MAP3K10: variants seen among roughly 807,000 people sequenced by gnomAD.
MAP3K10 encodes MKN28 derived nonreceptor_type serine/threonine kinase.
Under a neutral mutation model 75.0 loss-of-function variants are expected in MAP3K10, and 22 were observed. That is an observed-to-expected ratio of 0.29 (90% CI 0.21 to 0.42). The LOEUF is 0.42. MAP3K10 is among the 10% of genes least tolerant of loss of function. The probability of loss-of-function intolerance (pLI) is 1.00; values close to 1 mark genes in which losing one functional copy is unlikely to be tolerated. For missense variants in MAP3K10, 1,165 were observed against 1,379.8 expected (o/e 0.84, Z 2.47); for synonymous variants, 599 against 612.9 (o/e 0.98, Z 0.34).
In MAP3K10 at chr19:40,213,692, C is replaced by T. The variant is rs1052743270; in HGVS notation, c.2013C>T (p.Cys671=). Residue 671 remains cysteine, a synonymous_variant, in exon 9 of 10, where the codon TGC becomes TGT. Coordinates refer to ENST00000253055, the MANE Select transcript of MAP3K10 (RefSeq NM_002446.4). The surrounding 1 kb of genome is among the most constrained non-coding windows in gnomAD (Gnocchi z 5.7). ...GGGGACACGGCGCCCGGCGGCGCTG[C>T]GACCTGGCGCTGCTAGGCTGCGCCA... The part of the protein sequence containing the change: ...ARWGHGARRR[C]DLALLGCATL... 8.3e-6 allele frequency: 9 copies of T among 1,088,128 alleles called. No individual in the cohort carries two copies. Among genetic ancestry groups the T allele is most frequent in the South Asian group, 3.9e-5 (1 of 25,850 alleles). The allele number at this position is 1,088,128 out of a possible 1,614,324, so 67.4% of individuals were successfully genotyped here.
chr19:40,200,910 G>A (rs1973006287), intron 2 of MAP3K10, among the ~76,000 whole-genome samples: 1 of 151,478 alleles, frequency 6.6e-6, no homozygotes. Flanking sequence ...GCACCCGGCC[G>A]GGCAGGCTAA....
In MAP3K10 at chr19:40,213,013, A is replaced by G. The variant is rs1973269102; in HGVS notation, c.1724+37A>G. 4 of 1,592,330 alleles carry G rather than the reference A, an allele frequency of 2.5e-6. No homozygotes were observed. Among genetic ancestry groups the G allele is most frequent in the Non-Finnish European group, 2.6e-6 (3 of 1,167,864 alleles). ...TGTGGTCATGCCCACCCTGTGCCCAAGCCCCAGCTCCCAGGCTCCAGGCCA... is the reference window on the plus strand; with the variant it reads ...TGTGGTCATGCCCACCCTGTGCCCAGGCCCCAGCTCCCAGGCTCCAGGCCA... On this transcript the variant is annotated intron_variant, in intron 7 of 9. Coordinates refer to ENST00000253055, the MANE Select transcript of MAP3K10 (RefSeq NM_002446.4). This position sits in a 1 kb window ranked among gnomAD's most constrained non-coding sequence, Gnocchi z 5.7.
At position 40,213,409 on chromosome 19, in the gene MAP3K10, G is replaced by A; in HGVS notation, c.1838-108G>A. On this transcript the variant is annotated intron_variant, in intron 8 of 9. Transcript: ENST00000253055. The surrounding 1 kb of genome is among the most constrained non-coding windows in gnomAD (Gnocchi z 5.7). The stretch of plus-strand genomic sequence containing the variant: ...GACAGATTCAAGAACGATGCTCGTG[G>A]GTCTTGGTCTTGCTGTTGGAGGGGT... 2 of 1,504,248 alleles carry A rather than the reference G, an allele frequency of 1.3e-6. No homozygotes were observed. Among genetic ancestry groups the A allele is most frequent in the Non-Finnish European group, 1.8e-6 (2 of 1,130,742 alleles). The allele number at this position is 1,504,248 out of a possible 1,614,324, so 93.2% of individuals were successfully genotyped here. A position where few individuals can be genotyped will look rare whatever the true frequency, so the allele number is the denominator to read the frequency against.
chr19:40,215,163 T>TCTCACTCA lies in MAP3K10; in HGVS notation c.2737_2738insTCACTCAC (p.Pro913LeufsTer94). 6.2e-7 allele frequency: 1 copy of TCTCACTCA among 1,605,950 alleles called. No individual in the cohort carries two copies. The highest frequency in any genetic ancestry group is 8.5e-7 in the Non-Finnish European group (1 of 1,177,142). On this transcript the variant is annotated frameshift_variant, in exon 10 of 10. Transcript: ENST00000253055. LOFTEE classifies it high-confidence loss of function. ...TCGGCCGGACACTCACCATCTCGCC[T>TCTCACTCA]CCCAGCAGGCCAGACACTCCGGAGA...
chr19:40,192,372 G>T lies in MAP3K10; in HGVS notation c.341G>T (p.Arg114Leu), dbSNP rs952167899. Reference sequence around the variant, plus strand: ...GTGGGGGGCTTTGGCAAGGTCTATCGGGCCCTGTGGCGTGGCGAGGAGGTG... The same window carrying T: ...GTGGGGGGCTTTGGCAAGGTCTATCTGGCCCTGTGGCGTGGCGAGGAGGTG... ...IGVGGFGKVYRALWRGEEVAV... is the reference protein window; with the variant it reads ...IGVGGFGKVYLALWRGEEVAV... The change falls in exon 1 of 10, where the codon CGG becomes CTG. Residue 114 changes from arginine (R) to leucine (L), a missense_variant. Coordinates refer to ENST00000253055, the MANE Select transcript of MAP3K10 (RefSeq NM_002446.4). The surrounding 1 kb of genome is among the most constrained non-coding windows in gnomAD (Gnocchi z 7.1). 1.9e-5 allele frequency: 30 copies of T among 1,613,646 alleles called. No individual in the cohort carries two copies. Among genetic ancestry groups the T allele is most frequent in the Non-Finnish European group, 2.5e-5 (30 of 1,179,922 alleles).
At position 40,214,012 on chromosome 19, in the gene MAP3K10, C is replaced by A; in HGVS notation, c.2333C>A (p.Pro778His). The change falls in exon 9 of 10, where the codon CCC (proline) becomes CAC (histidine). Residue 778 changes from proline to histidine, a missense_variant. Transcript: ENST00000253055. ...GCACCGGCCGCGCCCTCCCCACCACCCTCCCCGCCCGCGCCCACACCCACG... is the reference window on the plus strand; with the variant it reads ...GCACCGGCCGCGCCCTCCCCACCACACTCCCCGCCCGCGCCCACACCCACG... Reference protein sequence around the residue: ...EAAPAAPSPPPSPPAPTPTPS... With the variant: ...EAAPAAPSPPHSPPAPTPTPS... 1 of 1,499,878 alleles carries A rather than the reference C, an allele frequency of 6.7e-7. No individual in the cohort carries two copies. The highest frequency in any genetic ancestry group is 1.4e-5 in the African/African-American group (1 of 70,374). The allele number at this position is 1,499,878 out of a possible 1,614,324, so 92.9% of individuals were successfully genotyped here.
chr19:40,197,717 G>A (rs1445988200), intron 1 of MAP3K10, among the ~76,000 whole-genome samples: 1 of 152,170 alleles, frequency 6.6e-6, no homozygotes, highest in Non-Finnish European at 1.5e-5. Flanking sequence ...ACTGCAGTGT[G>A]CCACGGGGGT....
At chr19:40,194,378 T>G (rs1043440322) in intron 1 of MAP3K10, among the ~76,000 whole-genome samples, 3 of 151,196 alleles carry the variant, frequency 2.0e-5, no homozygotes, top group Admixed American at 2.0e-4. Flanking sequence ...AGCTAACATG[T>G]GACCACGATG....
At position 40,213,755 on chromosome 19, in the gene MAP3K10, C is replaced by G; in HGVS notation, c.2076C>G (p.Ala692=). ...LGAVGLGADV[A]EARAADGEEQ... Reference sequence around the variant, plus strand: ...CTGTGGGCCTGGGCGCCGACGTGGCCGAGGCGCGCGCGGCCGACGGTGAGG... The same window carrying G: ...CTGTGGGCCTGGGCGCCGACGTGGCGGAGGCGCGCGCGGCCGACGGTGAGG... The change falls in exon 9 of 10, where the codon GCC becomes GCG. Residue 692 remains alanine, a synonymous_variant. Coordinates refer to ENST00000253055, the MANE Select transcript of MAP3K10 (RefSeq NM_002446.4). This position sits in a 1 kb window ranked among gnomAD's most constrained non-coding sequence, Gnocchi z 5.7. 2 of 1,104,722 alleles carry G rather than the reference C, an allele frequency of 1.8e-6. No individual in the cohort carries two copies. Among genetic ancestry groups the G allele is most frequent in the Non-Finnish European group, 2.2e-6 (2 of 904,980 alleles). 68.4% of individuals were successfully genotyped at this position (1,104,722 alleles called of 1,614,324 possible).
intron 1 of MAP3K10, among the ~76,000 whole-genome samples, chr19:40,197,053 C>T (rs2145071276): frequency 6.6e-6 from 1 of 152,328 alleles, no homozygotes; most frequent in Middle Eastern, 3.4e-3. Flanking sequence ...CATCTTAAAA[C>T]AGCCATTGTG....
chr19:40,204,943 C>A lies in MAP3K10; in HGVS notation c.1013-178C>A, dbSNP rs1723870217. ...GCAGGTCCCAGGGTTTCTCTCCCAG[C>A]GTTTCACTGAGTGGAATTGGCCAGG... On this transcript the variant is annotated intron_variant, in intron 3 of 9. Coordinates refer to ENST00000253055, the MANE Select transcript of MAP3K10 (RefSeq NM_002446.4). This position sits in a 1 kb window ranked among gnomAD's most constrained non-coding sequence, Gnocchi z 4.3. 1.5e-6 allele frequency: 1 copy of A among 670,104 alleles called. No individual in the cohort carries two copies. Among genetic ancestry groups the A allele is most frequent in the South Asian group, 1.9e-5 (1 of 53,188 alleles). 41.5% of individuals were successfully genotyped at this position (670,104 alleles called of 1,614,324 possible).
chr19:40,213,402 G>A lies in MAP3K10; in HGVS notation c.1838-115G>A. 6.7e-7 allele frequency: 1 copy of A among 1,492,712 alleles called. No individual in the cohort carries two copies. The highest frequency in any genetic ancestry group is 2.5e-5 in the East Asian group (1 of 40,032). The allele number at this position is 1,492,712 out of a possible 1,614,324, so 92.5% of individuals were successfully genotyped here. A position where few individuals can be genotyped will look rare whatever the true frequency, so the allele number is the denominator to read the frequency against. On this transcript the variant is annotated intron_variant, in intron 8 of 9. Coordinates refer to ENST00000253055, the MANE Select transcript of MAP3K10 (RefSeq NM_002446.4). The surrounding 1 kb of genome is among the most constrained non-coding windows in gnomAD (Gnocchi z 5.7). The stretch of plus-strand genomic sequence containing the variant: ...TCCTGGAGACAGATTCAAGAACGAT[G>A]CTCGTGGGTCTTGGTCTTGCTGTTG...
rs771891153 is a variant in MAP3K10, at chr19:40,209,180, G to A, written c.1513G>A (p.Ala505Thr). 5 of 1,614,034 alleles carry A rather than the reference G, an allele frequency of 3.1e-6. No individual in the cohort carries two copies. In the African/African-American group the frequency reaches 5.3e-5, roughly 17 times the overall value. ...RKGSDGASPP[A>T]SPSIIPRLRA... The stretch of plus-strand genomic sequence containing the variant: ...AGGATCCGATGGGGCCAGCCCCCCT[G>A]CAAGCCCCAGCATCATCCCCCGGCT... Residue 505 changes from alanine (A) to threonine (T), a missense_variant, in exon 6 of 10, where the codon GCA becomes ACA. Ala to Thr is a moderately conservative substitution (Grantham distance 58). Coordinates refer to ENST00000253055, the MANE Select transcript of MAP3K10 (RefSeq NM_002446.4).
Position 40,192,611 on chromosome 19 carries a change from C to T in MAP3K10, c.580C>T (p.His194Tyr). The change falls in exon 1 of 10, where the codon CAC becomes TAC. Residue 194 changes from histidine (H) to tyrosine (Y), a missense_variant. His to Tyr is a moderately conservative substitution (Grantham distance 83). Coordinates refer to ENST00000253055, the MANE Select transcript of MAP3K10 (RefSeq NM_002446.4). The surrounding 1 kb of genome is among the most constrained non-coding windows in gnomAD (Gnocchi z 7.1). ...RVLAGRRVPP[H>Y]VLVNWAVQVA... is the part of the protein sequence containing the mutation. ...GCTGGCAGGTCGCCGGGTGCCACCTCACGTGCTGGTCAACTGGGCTGTGCA... is the reference window on the plus strand; with the variant it reads ...GCTGGCAGGTCGCCGGGTGCCACCTTACGTGCTGGTCAACTGGGCTGTGCA... 1 of 1,612,112 alleles carries T rather than the reference C, an allele frequency of 6.2e-7. No homozygotes were observed. Among genetic ancestry groups the T allele is most frequent in the Non-Finnish European group, 8.5e-7 (1 of 1,179,266 alleles).
chr19:40,201,221 G>A (rs1456475336), intron 2 of MAP3K10, among the ~76,000 whole-genome samples: 8 of 148,870 alleles, frequency 5.4e-5, no homozygotes, highest in South Asian at 4.3e-4. Flanking sequence ...CGCCCAGGCC[G>A]GAGTACAGCG....
intron 5 of MAP3K10, 96 bp from the exon 6 acceptor site, chr19:40,209,007 C>T (rs1363257143): frequency 1.2e-6 from 1 of 866,338 alleles, no homozygotes; most frequent in Admixed American, 1.9e-5. Context: ...GGCGGTGTTC[C>T]CATTCTAGAA....
At position 40,205,173 on chromosome 19, in the gene MAP3K10, G is replaced by A. The variant is rs1173461802; in HGVS notation, c.1065G>A (p.Lys355=). The change falls in exon 4 of 10, where the codon AAG becomes AAA. Residue 355 remains lysine, a synonymous_variant. Coordinates refer to ENST00000253055, the MANE Select transcript of MAP3K10 (RefSeq NM_002446.4). The surrounding 1 kb of genome is among the most constrained non-coding windows in gnomAD (Gnocchi z 4.3). ...HGRPDFGSIL[K]RLEVIEQSAL... ...GGCCAGATTTCGGTAGCATCTTGAAGCGGCTTGAAGTCATCGAACAGTCAG... is the reference window on the plus strand; with the variant it reads ...GGCCAGATTTCGGTAGCATCTTGAAACGGCTTGAAGTCATCGAACAGTCAG... 1.9e-6 allele frequency: 3 copies of A among 1,614,064 alleles called. No homozygotes were observed. The highest frequency in any genetic ancestry group is 3.3e-5 in the Admixed American group (2 of 60,026).
chr19:40,193,359 G>A (rs1412239009), intron 1 of MAP3K10, among the ~76,000 whole-genome samples: 1 of 152,188 alleles, frequency 6.6e-6, no homozygotes, highest in Non-Finnish European at 1.5e-5. Flanking sequence ...GAAAAGATGA[G>A]GGAGGAATTA....
rs1599908600 is a variant in MAP3K10, at chr19:40,205,804, C to T, written c.1189-107C>T. On this transcript the variant is annotated intron_variant, in intron 4 of 9. Coordinates refer to ENST00000253055, the MANE Select transcript of MAP3K10 (RefSeq NM_002446.4). The surrounding 1 kb of genome is among the most constrained non-coding windows in gnomAD (Gnocchi z 4.3). ...GTGGTGAAACCAGTGTACCCCACAG[C>T]AAGGTACCCTTGTGTGAGGCACCAA... 12 of 1,245,872 alleles carry T rather than the reference C, an allele frequency of 9.6e-6. No homozygotes were observed. The highest frequency in any genetic ancestry group is 2.6e-5 in the East Asian group (1 of 37,878). The allele number at this position is 1,245,872 out of a possible 1,614,324, so 77.2% of individuals were successfully genotyped here. A position where few individuals can be genotyped will look rare whatever the true frequency, so the allele number is the denominator to read the frequency against.
Sources: gnomAD v4.1 joint callset for allele counts (sites outside exome capture counted in the v4.1 genomes callset) on GRCh38, gnomAD v4.1.1 for gene constraint, Gnocchi (gnomAD v3.1) non-coding constraint, MANE v1.5 for transcripts, NCBI Gene and HGNC (gene_info 2026-07-23, HGNC 2026-07-21) for gene names.